SACS: variants seen among roughly 807,000 people sequenced by gnomAD.
The protein encoded by SACS is sacsin.
SACS carries 197 observed loss-of-function variants against 348.0 expected under a neutral mutation model. The observed-to-expected ratio is 0.57, with a 90% CI of 0.50 to 0.64. SACS has a LOEUF of 0.64. SACS is among the 30% of genes least tolerant of loss of function. The pLI is 0.00. For missense variants in SACS, 4,999 were observed against 5,360.8 expected (o/e 0.93, Z 2.11); for synonymous variants, 1,985 against 1,910.6 (o/e 1.04, Z -1.02).
At chr13:23,379,348 C>G (rs1401421911) in intron 2 of SACS, among the ~76,000 whole-genome samples, 4 of 152,188 alleles carry the variant, frequency 2.6e-5, no homozygotes, top group Non-Finnish European at 5.9e-5. Context: ...ACAAAGAAGC[C>G]TGGTGCCTGT....
rs766913652 is a variant in SACS at position 23,340,302 on chromosome 13, C to T, written c.3574G>A (p.Ala1192Thr). 1 of 1,613,912 alleles carries T rather than the reference C, an allele frequency of 6.2e-7. No homozygotes were observed. Residue 1192 changes from alanine (A) to threonine (T), a missense_variant, in exon 10 of 10, where the codon GCA becomes ACA. By Grantham distance (58) the Ala-to-Thr change is moderately conservative (BLOSUM62 0). Coordinates refer to ENST00000382292, the MANE Select transcript of SACS (RefSeq NM_014363.6). Reference sequence around the variant, plus strand: ...GGAAGTGAGGAGCCAATGAGAATTGCATGGCCTACATCACACATATCTGGT... The same window carrying T: ...GGAAGTGAGGAGCCAATGAGAATTGTATGGCCTACATCACACATATCTGGT... Reference protein sequence around the residue: ...APPDMCDVGHAILIGSSLPLV... With the variant: ...APPDMCDVGHTILIGSSLPLV...
intron 1 of SACS, among the ~76,000 whole-genome samples, chr13:23,432,809 C>T (rs1593189418): frequency 6.6e-6 from 1 of 152,254 alleles, no homozygotes; most frequent in African/African-American, 2.4e-5. Flanking sequence ...CTGGCTTCTG[C>T]CTTTTACTTA....
At chr13:23,412,958 C>A (rs1044187922) in intron 1 of SACS, among the ~76,000 whole-genome samples, 1 of 152,116 alleles carries the variant, frequency 6.6e-6, no homozygotes, top group Admixed American at 6.5e-5. Flanking sequence ...CCCAAGGAAG[C>A]CTCAGTGAAA....
intron 2 of SACS, among the ~76,000 whole-genome samples, chr13:23,379,659 A>G (rs1275878491): frequency 6.6e-6 from 1 of 152,246 alleles, no homozygotes; most frequent in African/African-American, 2.4e-5. Context: ...CTTGTGGGAC[A>G]GACCCTCTGT....
chr13:23,372,928 C>T (rs771124036), intron 3 of SACS, among the ~76,000 whole-genome samples: 1 of 152,174 alleles, frequency 6.6e-6, no homozygotes. Flanking sequence ...CAGTCCAGAA[C>T]CTCATTACCT....
At chr13:23,365,891 G>C (rs984544486) in intron 5 of SACS, among the ~76,000 whole-genome samples, 1 of 152,130 alleles carries the variant, frequency 6.6e-6, no homozygotes, top group East Asian at 1.9e-4. Context: ...TTGGTGAATG[G>C]TGGGTGAGTG....
chr13:23,385,609 C>T (rs906002282), intron 2 of SACS, among the ~76,000 whole-genome samples: 25 of 152,066 alleles, frequency 1.6e-4, no homozygotes, highest in Non-Finnish European at 1.5e-4. Context: ...CCACCCGCCT[C>T]GGCCACCCAA....
At position 23,354,583 on chromosome 13, in the gene SACS, C is replaced by T; in HGVS notation, c.2029G>A (p.Val677Ile). 6.2e-7 allele frequency: 1 copy of T among 1,614,182 alleles called. No individual in the cohort carries two copies. Among genetic ancestry groups the T allele is most frequent in the South Asian group, 1.1e-5 (1 of 91,084 alleles). The change falls in exon 8 of 10, where the codon GTC becomes ATC. Residue 677 changes from valine to isoleucine, a missense_variant. Physicochemically the swap from Val to Ile is conservative, Grantham distance 29 (BLOSUM62 3). Coordinates refer to ENST00000382292, the MANE Select transcript of SACS (RefSeq NM_014363.6). ...ELLPLQNGNF[V>I]PFSSSVSDQD... ...TCTGATACAGATGAGGAGAAGGGGA[C>T]AAAATTGCCATTTTGTAAAGGGAGC...
intron 9 of SACS, among the ~76,000 whole-genome samples, chr13:23,345,291 G>T (rs1283559396): frequency 1.3e-5 from 2 of 152,090 alleles, no homozygotes; most frequent in Non-Finnish European, 2.9e-5. Context: ...AATGAAGAGA[G>T]AATAGAAAAA....
At chr13:23,341,922 G>A (rs2137648179) in intron 9 of SACS, among the ~76,000 whole-genome samples, 1 of 151,728 alleles carries the variant, frequency 6.6e-6, no homozygotes, top group Non-Finnish European at 1.5e-5. Flanking sequence ...GAGTAGCTGG[G>A]ACTACAAGGG....
rs1250245046 is a variant in SACS, at chr13:23,372,335, G to A, written c.172-1170C>T. Among the ~76,000 whole-genome samples, 4 of 152,158 alleles carry A rather than the reference G, an allele frequency of 2.6e-5. No homozygotes were observed. The East Asian group carries it at 5.8e-4, about 22-fold the overall frequency. On this transcript the variant is annotated intron_variant, in intron 3 of 9. Coordinates refer to ENST00000382292, the MANE Select transcript of SACS (RefSeq NM_014363.6). ...CATAGAACAGTATCTGTAACACAGC[G>A]GCTCAATAAATGATAAGCATATTCT...
intron 6 of SACS, among the ~76,000 whole-genome samples, chr13:23,363,304 T>G (rs2148442): frequency 6.6e-6 from 1 of 151,314 alleles, no homozygotes. Context: ...CTTGGCTCAC[T>G]GCAACCTCTG....
At chr13:23,360,844 TC>T (rs1276555526) in intron 6 of SACS, among the ~76,000 whole-genome samples, 1 of 148,560 alleles carries the variant, frequency 6.7e-6, no homozygotes, top group African/African-American at 2.5e-5. Flanking sequence ...CACCTCCGCC[TC>T]CCGGGTTCAA....
intron 1 of SACS, among the ~76,000 whole-genome samples, chr13:23,415,034 CTT>C (rs879284440): frequency 4.0e-5 from 6 of 151,860 alleles, no homozygotes; most frequent in Admixed American, 6.6e-5. Context: ...TTTTTCTTTT[CTT>C]TTTTTTATTT....
chr13:23,386,664 G>A (rs1335239775), intron 2 of SACS, among the ~76,000 whole-genome samples: 1 of 152,156 alleles, frequency 6.6e-6, no homozygotes, highest in Non-Finnish European at 1.5e-5. Flanking sequence ...TTCACAACTT[G>A]ACTGTTTGTC....
chr13:23,403,392 G>T (rs1873068901), intron 2 of SACS, among the ~76,000 whole-genome samples: 1 of 151,976 alleles, frequency 6.6e-6, no homozygotes, highest in African/African-American at 2.4e-5. Context: ...GGCTTTTTTT[G>T]GTTGGCAGGC....
At chr13:23,416,001 C>T (rs1873675161) in intron 1 of SACS, among the ~76,000 whole-genome samples, 1 of 152,002 alleles carries the variant, frequency 6.6e-6, no homozygotes, top group Admixed American at 6.6e-5. Context: ...GGAAAAAGGC[C>T]GGGCGTGGTG....
Position 23,333,589 on chromosome 13 carries a change from G to A in SACS, c.10287C>T (p.Cys3429=), listed in dbSNP as rs1282285601. 1 of 1,613,628 alleles carries A rather than the reference G, an allele frequency of 6.2e-7. No homozygotes were observed. Among genetic ancestry groups the A allele is most frequent in the Middle Eastern group, 1.6e-4 (1 of 6,062 alleles). ...AAGGGATACTTTTTGTAAGTACGTAGCATGTTCCAAATTTTCCAATGCTTA... is the reference window on the plus strand; with the variant it reads ...AAGGGATACTTTTTGTAAGTACGTAACATGTTCCAAATTTTCCAATGCTTA... ...RYVSIGKFGT[C]YVLTKSIPSA... is the part of the protein sequence containing the mutation. Residue 3429 remains cysteine (C), a synonymous_variant, in exon 10 of 10, where the codon TGC becomes TGT. Coordinates refer to ENST00000382292, the MANE Select transcript of SACS (RefSeq NM_014363.6).
intron 2 of SACS, chr13:23,375,601 G>GGGGACACGCCCACCCGCC (rs1289937774): frequency 1.4e-5 from 14 of 1,003,742 alleles, no homozygotes; most frequent in Non-Finnish European, 1.7e-5. Context: ...CGCCGCCCGC[G>GGGGACACGCCCACCCGCC]GGGACACGCC....
Sources: gnomAD v4.1 joint callset for allele counts (sites outside exome capture counted in the v4.1 genomes callset) on GRCh38, gnomAD v4.1.1 for gene constraint, MANE v1.5 for transcripts, NCBI Gene and HGNC (gene_info 2026-07-23, HGNC 2026-07-21) for gene names.